The following CPQ variants were observed in gnomAD, a reference collection of about 807,000 sequenced individuals.
CPQ encodes the protein Ser-Met dipeptidase.
CPQ carries 37 observed loss-of-function variants against 45.7 expected under a neutral mutation model. That is an observed-to-expected ratio of 0.81 (90% CI 0.62 to 1.07). The LOEUF (loss-of-function observed/expected upper bound fraction) is 1.07, where lower values mean the gene tolerates loss of function less well. Among genes scored for constraint, CPQ ranks in the 50% least tolerant of loss-of-function variants. The pLI, the probability that CPQ is intolerant of heterozygous loss-of-function variation, is 0.00. For missense variants in CPQ, 537 were observed against 572.9 expected (o/e 0.94, Z 0.64); for synonymous variants, 186 against 205.8 (o/e 0.90, Z 0.82).
chr8:96,661,307 A>AT (rs1439180488), intron 1 of CPQ, among the ~76,000 whole-genome samples: 1 of 152,104 alleles, frequency 6.6e-6, no homozygotes, highest in East Asian at 1.9e-4. Context: ...AGAGTGGTAC[A>AT]TTCGTTGCAA....
chr8:96,864,406 A>G lies in CPQ; in HGVS notation c.642-15392A>G, dbSNP rs1354421120. ...AAAGCTTTTCCTTCACCCCAACAGG[A>G]GAGAAGGAGGCTGCAGACCACAGAA... On this transcript the variant is annotated intron_variant, in intron 3 of 7. Coordinates refer to ENST00000220763, the MANE Select transcript of CPQ (RefSeq NM_016134.4). Among the ~76,000 whole-genome samples the G allele has an allele frequency of 2.0e-5, 3 of 152,030 alleles. No homozygotes were observed. In the East Asian group the frequency reaches 5.8e-4, roughly 29 times the overall value.
intron 1 of CPQ, among the ~76,000 whole-genome samples, chr8:96,669,318 T>C (rs184619025): frequency 1.3e-4 from 20 of 152,300 alleles, no homozygotes; most frequent in Non-Finnish European, 2.4e-4. Flanking sequence ...ACAGTGTCAG[T>C]GGATACCACA....
At chr8:97,029,596 G>A in intron 6 of CPQ, 102 bp downstream of exon 6, 1 of 1,093,166 alleles carries the variant, frequency 9.1e-7, no homozygotes. Context: ...TGGTCAACTG[G>A]CCCTAGGAAA....
At chr8:96,729,902 A>G (rs1809888440) in intron 1 of CPQ, among the ~76,000 whole-genome samples, 1 of 152,096 alleles carries the variant, frequency 6.6e-6, no homozygotes, top group Non-Finnish European at 1.5e-5. Context: ...GGAAGAGACA[A>G]GCCAGTTGGT....
intron 7 of CPQ, among the ~76,000 whole-genome samples, chr8:97,141,444 TCA>T (rs1415310691): frequency 6.6e-6 from 1 of 152,130 alleles, no homozygotes; most frequent in Non-Finnish European, 1.5e-5. Context: ...ATACTTAATC[TCA>T]CAATTAGTTT....
chr8:96,657,183 A>G (rs1324864210), intron 1 of CPQ, among the ~76,000 whole-genome samples: 1 of 152,120 alleles, frequency 6.6e-6, no homozygotes, highest in Non-Finnish European at 1.5e-5. Context: ...CGTCTCTACT[A>G]AAAATACAAA....
intron 7 of CPQ, among the ~76,000 whole-genome samples, chr8:97,120,647 C>T (rs149257912): frequency 1.9e-3 from 282 of 152,314 alleles, no homozygotes; most frequent in Middle Eastern, 0.014. Context: ...TTATAATCCC[C>T]TTAGATCTTA....
At chr8:97,031,370 T>G (rs987008002) in intron 6 of CPQ, among the ~76,000 whole-genome samples, 8 of 151,914 alleles carry the variant, frequency 5.3e-5, no homozygotes, top group African/African-American at 1.7e-4. Flanking sequence ...GTACTTTTAG[T>G]GGAGATGGGG....
chr8:96,649,256 C>G (rs538744552), intron 1 of CPQ, among the ~76,000 whole-genome samples: 1 of 152,328 alleles, frequency 6.6e-6, no homozygotes, highest in East Asian at 1.9e-4. Flanking sequence ...GGATTACAGG[C>G]ATGAGCCACT....
chr8:96,969,611 A>G (rs919612463), intron 5 of CPQ, among the ~76,000 whole-genome samples: 31 of 151,656 alleles, frequency 2.0e-4, no homozygotes, highest in African/African-American at 6.8e-4. Context: ...AAGTATTCCC[A>G]GCAGAGTACA....
At chr8:96,689,787 G>A (rs1156452373) in intron 1 of CPQ, among the ~76,000 whole-genome samples, 1 of 151,840 alleles carries the variant, frequency 6.6e-6, no homozygotes, top group African/African-American at 2.4e-5. Context: ...CTGGCCTTTT[G>A]GCTAACATCA....
At chr8:96,683,897 T>G (rs1809187983) in intron 1 of CPQ, among the ~76,000 whole-genome samples, 1 of 152,178 alleles carries the variant, frequency 6.6e-6, no homozygotes, top group South Asian at 2.1e-4. Flanking sequence ...GGTTTTGTTC[T>G]CTTTGGATAT....
In CPQ at chr8:96,696,816, G is replaced by T. The variant is rs191610870; in HGVS notation, c.-35+51414G>T. On this transcript the variant is annotated intron_variant, in intron 1 of 7. Coordinates refer to ENST00000220763, the MANE Select transcript of CPQ (RefSeq NM_016134.4). ...ACAAACAACCACAAGATTGAACTAT[G>T]GAGGAATCCAAAACTTAATCAGATC... Among the ~76,000 whole-genome samples, 47 of 152,182 alleles carry T rather than the reference G, an allele frequency of 3.1e-4. 1 individual carries two copies. The highest frequency in any genetic ancestry group is 1.2e-3 in the South Asian group (6 of 4,816).
chr8:97,113,189 C>T (rs906965752), intron 7 of CPQ, among the ~76,000 whole-genome samples: 1 of 152,074 alleles, frequency 6.6e-6, no homozygotes, highest in African/African-American at 2.4e-5. Context: ...GCAAGGAAGG[C>T]AGATGATCAA....
At chr8:96,763,369 T>C (rs1263723568) in intron 1 of CPQ, among the ~76,000 whole-genome samples, 8 of 152,192 alleles carry the variant, frequency 5.3e-5, no homozygotes, top group African/African-American at 1.9e-4. Context: ...GAATTGCCTT[T>C]GTACCTTTCT....
chr8:96,951,990 CT>C (rs533804303), intron 4 of CPQ, among the ~76,000 whole-genome samples: 1 of 152,116 alleles, frequency 6.6e-6, no homozygotes, highest in South Asian at 2.1e-4. Flanking sequence ...TTACAACACA[CT>C]TTTTAAGGGT....
chr8:96,751,709 G>T (rs1810264379), intron 1 of CPQ, among the ~76,000 whole-genome samples: 1 of 152,068 alleles, frequency 6.6e-6, no homozygotes. Flanking sequence ...TTAAATCTTT[G>T]CCCATGCCTC....
At chr8:96,670,326 T>TAA (rs1563697457) in intron 1 of CPQ, among the ~76,000 whole-genome samples, 1 of 144,780 alleles carries the variant, frequency 6.9e-6, no homozygotes, top group Non-Finnish European at 1.5e-5. Flanking sequence ...TTTTTTTTTT[T>TAA]TTTTTTTTTT....
chr8:97,114,349 C>T (rs190488714), intron 7 of CPQ, among the ~76,000 whole-genome samples: 9 of 152,330 alleles, frequency 5.9e-5, no homozygotes, highest in African/African-American at 2.2e-4. Context: ...CGAATTTCAG[C>T]GCTGCCGTTG....
Sources: allele counts gnomAD v4.1 joint callset (sites outside exome capture counted in the v4.1 genomes callset), GRCh38; gene constraint gnomAD v4.1.1; transcripts MANE v1.5; gene names NCBI Gene and HGNC (gene_info 2026-07-23, HGNC 2026-07-21).